ZMAT4: variants seen among roughly 807,000 people sequenced by gnomAD.
The protein encoded by ZMAT4 is zinc finger matrin-type protein 4.
A neutral mutation model predicts 28.7 loss-of-function variants in ZMAT4; 17 were observed. The observed-to-expected ratio is 0.59, with a 90% CI of 0.41 to 0.89. The LOEUF is 0.89. Ranked by LOEUF, ZMAT4 falls within the 40% of genes least tolerant of loss-of-function variation. The probability of loss-of-function intolerance (pLI) is 0.00; values close to 1 mark genes in which losing one functional copy is unlikely to be tolerated. For synonymous variants in ZMAT4, 117 were observed against 109.2 expected (o/e 1.07, Z -0.44); for missense variants, 240 against 283.8 (o/e 0.85, Z 1.11).
At chr8:40,759,916 A>G (rs776274031) in intron 3 of ZMAT4, among the ~76,000 whole-genome samples, 2 of 152,142 alleles carry the variant, frequency 1.3e-5, no homozygotes, top group Non-Finnish European at 2.9e-5. Context: ...AAACTCTCCC[A>G]ATTCCCATTC....
chr8:40,897,079 G>T (rs923795085), intron 1 of ZMAT4, among the ~76,000 whole-genome samples: 1 of 150,920 alleles, frequency 6.6e-6, no homozygotes, highest in Non-Finnish European at 1.5e-5. Context: ...TTTTGCTGGC[G>T]TGTCACCAAG....
At chr8:40,544,297 G>A (rs1171579441) in intron 6 of ZMAT4, among the ~76,000 whole-genome samples, 2 of 152,152 alleles carry the variant, frequency 1.3e-5, no homozygotes, top group Non-Finnish European at 2.9e-5. Context: ...AATCTCTCTG[G>A]ACAGCAAAAT....
At chr8:40,690,836 A>G (rs1809630093) in intron 4 of ZMAT4, 1 of 916,662 alleles carries the variant, frequency 1.1e-6, no homozygotes, top group South Asian at 5.0e-5. Flanking sequence ...GAAAAAAAGA[A>G]GAGAACCAAT....
At chr8:40,626,906 G>A (rs536214286) in intron 5 of ZMAT4, among the ~76,000 whole-genome samples, 1 of 152,280 alleles carries the variant, frequency 6.6e-6, no homozygotes, top group Non-Finnish European at 1.5e-5. Context: ...GGGAAGCTAT[G>A]GGATTATACA....
intron 2 of ZMAT4, among the ~76,000 whole-genome samples, chr8:40,772,752 C>A (rs745627042): frequency 1.3e-5 from 2 of 152,184 alleles, no homozygotes; most frequent in Non-Finnish European, 2.9e-5. Flanking sequence ...TATACCTCTT[C>A]TAGAAACCAG....
intron 6 of ZMAT4, among the ~76,000 whole-genome samples, chr8:40,568,860 T>C (rs193296096): frequency 6.6e-6 from 1 of 152,274 alleles, no homozygotes; most frequent in Admixed American, 6.5e-5. Flanking sequence ...CAGATGCAGT[T>C]ACTTCTTCCC....
At chr8:40,592,811 A>G (rs1232409071) in intron 5 of ZMAT4, among the ~76,000 whole-genome samples, 2 of 152,190 alleles carry the variant, frequency 1.3e-5, no homozygotes, top group Non-Finnish European at 2.9e-5. Context: ...AAGATGATAG[A>G]TTTTAACATT....
chr8:40,688,927 T>G (rs923231362), intron 4 of ZMAT4, among the ~76,000 whole-genome samples: 1 of 152,174 alleles, frequency 6.6e-6, no homozygotes, highest in Non-Finnish European at 1.5e-5. Context: ...TTGTGTTGAG[T>G]TGTCTGAGAG....
intron 5 of ZMAT4, among the ~76,000 whole-genome samples, chr8:40,636,611 G>A (rs1167985228): frequency 6.6e-6 from 1 of 152,200 alleles, no homozygotes; most frequent in Non-Finnish European, 1.5e-5. Context: ...GCTATCAGAG[G>A]AGAGAAACAG....
intron 6 of ZMAT4, among the ~76,000 whole-genome samples, chr8:40,579,811 G>C (rs1002599062): frequency 2.0e-5 from 3 of 152,036 alleles, no homozygotes; most frequent in Non-Finnish European, 2.9e-5. Flanking sequence ...CAAGGATATT[G>C]TGTTGAGCAA....
At chr8:40,677,427 G>C (rs558393394) in intron 4 of ZMAT4, among the ~76,000 whole-genome samples, 1 of 152,256 alleles carries the variant, frequency 6.6e-6, no homozygotes, top group African/African-American at 2.4e-5. Context: ...CAGAACTCTG[G>C]TTGGGTGGGA....
intron 5 of ZMAT4, among the ~76,000 whole-genome samples, chr8:40,656,024 A>G (rs1245878906): frequency 6.6e-6 from 1 of 152,142 alleles, no homozygotes; most frequent in Non-Finnish European, 1.5e-5. Context: ...TGTCCACAGA[A>G]TGAGAGACAA....
chr8:40,860,260 G>A (rs1331037414), intron 1 of ZMAT4, among the ~76,000 whole-genome samples: 1 of 152,146 alleles, frequency 6.6e-6, no homozygotes, highest in African/African-American at 2.4e-5. Context: ...TTGGGACCAC[G>A]AGATGAGCAG....
chr8:40,777,729 A>G (rs556441372), intron 2 of ZMAT4, among the ~76,000 whole-genome samples: 1 of 152,254 alleles, frequency 6.6e-6, no homozygotes, highest in Non-Finnish European at 1.5e-5. Context: ...AACAACGGAC[A>G]AGTGTCCCCA....
intron 1 of ZMAT4, among the ~76,000 whole-genome samples, chr8:40,845,960 T>A (rs1230513826): frequency 2.0e-5 from 3 of 152,046 alleles, no homozygotes; most frequent in Admixed American, 6.5e-5. Context: ...GCAGGACTTC[T>A]CCTAATCTGT....
At chr8:40,558,959 C>G (rs982226550) in intron 6 of ZMAT4, among the ~76,000 whole-genome samples, 1 of 152,206 alleles carries the variant, frequency 6.6e-6, no homozygotes, top group African/African-American at 2.4e-5. Context: ...TAAACAGGAC[C>G]TAAGGCCATG....
intron 5 of ZMAT4, among the ~76,000 whole-genome samples, chr8:40,607,117 C>CTTTTTTT (rs71544299): frequency 2.6e-3 from 172 of 65,736 alleles, no homozygotes; most frequent in Non-Finnish European, 3.1e-3. Context: ...TATCTTGTAT[C>CTTTTTTT]TTTTTTTTTT....
At chr8:40,808,428 A>C (rs1221582530) in intron 2 of ZMAT4, 2 of 391,652 alleles carry the variant, frequency 5.1e-6, no homozygotes, top group Non-Finnish European at 1.0e-5. Flanking sequence ...TTATTACAGG[A>C]TATTTAAGAG....
chr8:40,838,435 TG>T (rs561339238), intron 1 of ZMAT4, among the ~76,000 whole-genome samples: 18 of 152,302 alleles, frequency 1.2e-4, no homozygotes, highest in African/African-American at 3.4e-4. Context: ...CTCAACCTCC[TG>T]GGCTCAAGCA....
Sources: gnomAD v4.1 joint callset for allele counts (sites outside exome capture counted in the v4.1 genomes callset) on GRCh38, gnomAD v4.1.1 for gene constraint, MANE v1.5 for transcripts, NCBI Gene and HGNC (gene_info 2026-07-23, HGNC 2026-07-21) for gene names.